SLC9D1: variants seen among roughly 807,000 people sequenced by gnomAD.
SLC9D1 encodes the protein solute carrier family 9 member D1, also known as putative LAG1-interacting protein.
At chr13:113,502,964 G>T in the SLC9D1 span, among the ~76,000 whole-genome samples, 1 of 152,252 alleles carries the variant, frequency 6.6e-6, no homozygotes, top group Non-Finnish European at 1.5e-5. Flanking sequence ...GCAAGCCCAC[G>T]TGTGGGGGCT....
At chr13:113,495,668 G>A in the SLC9D1 span, 49 of 1,607,332 alleles carry the variant, frequency 3.0e-5, 1 homozygote, top group East Asian at 2.5e-4. Flanking sequence ...AGGAGGTGGC[G>A]CAGCGTGTGA....
chr13:113,510,652 C>T, the SLC9D1 span, among the ~76,000 whole-genome samples: 10 of 152,224 alleles, frequency 6.6e-5, no homozygotes, highest in East Asian at 7.7e-4. Context: ...GAAAAATGCC[C>T]GTGAGGATTG....
At chr13:113,529,665 AAGAAAC>A in the SLC9D1 span, 1 of 152,080 alleles carries the variant, frequency 6.6e-6, no homozygotes, top group African/African-American at 2.4e-5. Flanking sequence ...AAAAAAACAA[AAGAAAC>A]AGAAACAGAG....
the SLC9D1 span, among the ~76,000 whole-genome samples, chr13:113,542,375 G>A: frequency 6.6e-6 from 1 of 150,726 alleles, no homozygotes; most frequent in Non-Finnish European, 1.5e-5. Context: ...GCACACGGTC[G>A]CTGATCACTG....
chr13:113,550,152 GAA>G, the SLC9D1 span: 1 of 153,386 alleles, frequency 6.5e-6, no homozygotes, highest in Non-Finnish European at 1.4e-5. Context: ...TAAATCACAA[GAA>G]TATGTATTCT....
chr13:113,539,394 G>GT, the SLC9D1 span: 1 of 1,613,512 alleles, frequency 6.2e-7, no homozygotes, highest in East Asian at 2.2e-5. The surrounding 1 kb of genome is among the most constrained non-coding windows in gnomAD (Gnocchi z 4.8). Context: ...GAGCTGGGCT[G>GT]TTTCCTGGCT....
At chr13:113,548,416 G>T in the SLC9D1 span, 7 of 1,612,230 alleles carry the variant, frequency 4.3e-6, no homozygotes, top group East Asian at 1.6e-4. Context: ...TTGTCCTGGG[G>T]AGCCGGGCGC....
At chr13:113,494,996 CT>C in the SLC9D1 span, among the ~76,000 whole-genome samples, 2 of 152,108 alleles carry the variant, frequency 1.3e-5, no homozygotes. Context: ...CGATTAGTAG[CT>C]GGGATTACAG....
the SLC9D1 span, chr13:113,527,249 C>G: frequency 3.2e-4 from 49 of 152,184 alleles, no homozygotes; most frequent in African/African-American, 1.0e-3. Flanking sequence ...CTTCTCATAC[C>G]TGTTTTTACC....
At chr13:113,510,210 G>A in the SLC9D1 span, 2 of 1,601,736 alleles carry the variant, frequency 1.2e-6, no homozygotes, top group Non-Finnish European at 8.5e-7. Context: ...TCACTAAAAA[G>A]TGTGTGACTC....
the SLC9D1 span, among the ~76,000 whole-genome samples, chr13:113,537,692 T>C: frequency 6.6e-6 from 1 of 152,230 alleles, no homozygotes; most frequent in African/African-American, 2.4e-5. Flanking sequence ...GTGAAGATGC[T>C]CTTTACTGTT....
chr13:113,537,343 A>T, the SLC9D1 span, among the ~76,000 whole-genome samples: 3 of 152,200 alleles, frequency 2.0e-5, no homozygotes, highest in Non-Finnish European at 1.5e-5. Context: ...CAGCTCCTCG[A>T]GGCCATGGAG....
chr13:113,517,381 C>T, the SLC9D1 span, among the ~76,000 whole-genome samples: 35 of 152,156 alleles, frequency 2.3e-4, no homozygotes, highest in South Asian at 4.1e-4. Context: ...TACAGGCGCC[C>T]GCCACCACGC....
At chr13:113,538,866 G>A in the SLC9D1 span, among the ~76,000 whole-genome samples, 1 of 152,224 alleles carries the variant, frequency 6.6e-6, no homozygotes, top group African/African-American at 2.4e-5. Context: ...GCGCGCTGAT[G>A]TGGCTGCAAA....
the SLC9D1 span, chr13:113,539,428 C>T: frequency 1.2e-6 from 2 of 1,613,494 alleles, no homozygotes; most frequent in South Asian, 1.1e-5. The surrounding 1 kb of genome is among the most constrained non-coding windows in gnomAD (Gnocchi z 4.8). Flanking sequence ...CCTCTCAGGG[C>T]CCCGTGGTCA....
chr13:113,539,215 G>A, the SLC9D1 span: 1 of 757,960 alleles, frequency 1.3e-6, no homozygotes, highest in East Asian at 2.6e-5. The surrounding 1 kb of genome is among the most constrained non-coding windows in gnomAD (Gnocchi z 4.8). Context: ...AGACGACCCA[G>A]GACCAGACAC....
the SLC9D1 span, among the ~76,000 whole-genome samples, chr13:113,497,863 G>A: frequency 1.3e-5 from 2 of 152,232 alleles, no homozygotes; most frequent in Non-Finnish European, 2.9e-5. Flanking sequence ...TATATTGCCA[G>A]CATCATCCAT....
At chr13:113,508,088 C>T in the SLC9D1 span, among the ~76,000 whole-genome samples, 1,811 of 152,372 alleles carry the variant, frequency 0.012, 12 homozygotes, top group Non-Finnish European at 0.017. Context: ...TTCCTGGTGC[C>T]GTTTCCCACT....
the SLC9D1 span, among the ~76,000 whole-genome samples, chr13:113,522,650 T>C: frequency 6.6e-6 from 1 of 151,370 alleles, no homozygotes; most frequent in African/African-American, 2.4e-5. Flanking sequence ...GTTGTTGTTT[T>C]TGAGATGGAG....
Sources: allele counts gnomAD v4.1 joint callset (sites outside exome capture counted in the v4.1 genomes callset), GRCh38; gene constraint gnomAD v4.1.1; non-coding constraint Gnocchi (gnomAD v3.1); transcripts MANE v1.5; gene names NCBI Gene and HGNC (gene_info 2026-07-23, HGNC 2026-07-21).